Variants in MESP1 observed in about 807,000 individuals in gnomAD.
The protein encoded by MESP1 is mesoderm posterior bHLH transcription factor 1.
In MESP1, 22 loss-of-function variants were observed where a neutral mutation model predicts 15.2. The observed-to-expected ratio is 1.45, with a 90% CI of 1.04 to 2.07. The LOEUF is 2.07. Among genes scored for constraint, MESP1 ranks in the 30% most tolerant of loss-of-function variants. MESP1 has a pLI of 0.00. For synonymous variants in MESP1, 216 were observed against 192.6 expected, an observed-to-expected ratio of 1.12 and a Z score of -1.01; for missense variants, 484 against 411.9, an observed-to-expected ratio of 1.17 and a Z score of -1.51.
chr15:89,747,801 G>A (rs891147164), downstream of MESP1, among the ~76,000 whole-genome samples: 7 of 152,214 alleles, frequency 4.6e-5, no homozygotes, highest in Non-Finnish European at 8.8e-5. Context: ...ACCTTGCAGC[G>A]GGGCTGAGAA....
chr15:89,745,314 G>T (rs1202666998), downstream of MESP1, among the ~76,000 whole-genome samples: 1 of 152,196 alleles, frequency 6.6e-6, no homozygotes, highest in Non-Finnish European at 1.5e-5. This position sits in a 1 kb window ranked among gnomAD's most constrained non-coding sequence, Gnocchi z 4.8. Flanking sequence ...GAAGGAACCA[G>T]GGCCGGTCAG....
chr15:89,743,789 C>A, the MESP1 span, among the ~76,000 whole-genome samples: 37,912 of 152,146 alleles, frequency 0.25, 4,937 homozygotes, highest in South Asian at 0.34. Flanking sequence ...ATGAGCAAGA[C>A]ACCCCGCCCA....
the MESP1 span, among the ~76,000 whole-genome samples, chr15:89,741,002 C>T: frequency 6.6e-6 from 1 of 151,848 alleles, no homozygotes; most frequent in African/African-American, 2.4e-5. Context: ...TAACCGGGCA[C>T]GGTGGCAGGT....
chr15:89,735,502 C>T, the MESP1 span: 1 of 1,614,152 alleles, frequency 6.2e-7, no homozygotes, highest in Non-Finnish European at 8.5e-7. Context: ...CTGTAAAGCA[C>T]CTGGATAAAA....
At chr15:89,743,281 G>T in the MESP1 span, 1 of 1,613,974 alleles carries the variant, frequency 6.2e-7, no homozygotes, top group Non-Finnish European at 8.5e-7. Context: ...TCACAGTTGT[G>T]TGGCCCTCAG....
chr15:89,737,946 T>C, the MESP1 span: 1 of 1,411,648 alleles, frequency 7.1e-7, no homozygotes, highest in Non-Finnish European at 9.6e-7. Flanking sequence ...CCAGCCTTTA[T>C]AAGCAGAGAG....
chr15:89,738,638 A>G, the MESP1 span, among the ~76,000 whole-genome samples: 1 of 151,592 alleles, frequency 6.6e-6, no homozygotes, highest in Non-Finnish European at 1.5e-5. Flanking sequence ...AAAAAAAAAA[A>G]AAAAAAAGAA....
chr15:89,743,620 C>CCATCTGTTT, the MESP1 span: 1 of 563,524 alleles, frequency 1.8e-6, no homozygotes, highest in Non-Finnish European at 3.2e-6. Flanking sequence ...CCCAAATAAA[C>CCATCTGTTT]AGTGATATTG....
At chr15:89,738,455 C>T in the MESP1 span, among the ~76,000 whole-genome samples, 12 of 152,104 alleles carry the variant, frequency 7.9e-5, no homozygotes, top group Middle Eastern at 3.4e-3. Flanking sequence ...GGTGAAACCC[C>T]GTCTCTATTA....
chr15:89,748,360 C>T (rs1844176637), downstream of MESP1, among the ~76,000 whole-genome samples: 1 of 152,158 alleles, frequency 6.6e-6, no homozygotes, highest in South Asian at 2.1e-4. Context: ...CACTCTGTGG[C>T]CAAGCGCCAG....
chr15:89,743,810 C>T, the MESP1 span, among the ~76,000 whole-genome samples: 1 of 152,338 alleles, frequency 6.6e-6, no homozygotes, highest in East Asian at 1.9e-4. Context: ...CCTGTTTTCC[C>T]CACCCATTTC....
the MESP1 span, among the ~76,000 whole-genome samples, chr15:89,732,615 CCA>C: frequency 0.038 from 5,651 of 148,020 alleles, 277 homozygotes; most frequent in African/African-American, 0.12. Flanking sequence ...TGTTGTTTGG[CCA>C]CACACACACA....
downstream of MESP1, among the ~76,000 whole-genome samples, chr15:89,748,352 C>A (rs938276276): frequency 6.6e-6 from 1 of 152,292 alleles, no homozygotes; most frequent in Admixed American, 6.5e-5. Flanking sequence ...TTGGAGCCCA[C>A]TCTGTGGCCA....
At chr15:89,736,113 C>T in the MESP1 span, among the ~76,000 whole-genome samples, 8 of 152,188 alleles carry the variant, frequency 5.3e-5, no homozygotes, top group African/African-American at 1.9e-4. Context: ...GGGGCTCAAA[C>T]AGAGAGGTCA....
the MESP1 span, chr15:89,733,148 C>T: frequency 2.5e-6 from 4 of 1,614,044 alleles, no homozygotes; most frequent in African/African-American, 2.7e-5. Flanking sequence ...TGGTGCTGTG[C>T]ACAGACGCCT....
the MESP1 span, chr15:89,743,320 AAGG>A: frequency 6.2e-7 from 1 of 1,614,164 alleles, no homozygotes; most frequent in East Asian, 2.2e-5. Flanking sequence ...GAACCCAGAG[AAGG>A]AGGAGGAGCA....
the MESP1 span, chr15:89,737,814 C>A: frequency 1.2e-5 from 19 of 1,560,164 alleles, no homozygotes; most frequent in Non-Finnish European, 1.6e-5. Flanking sequence ...CTCCGATCTC[C>A]TCCCCACTCT....
chr15:89,746,484 T>TACACACACAGCCCCGCCTCC (rs1567139098), downstream of MESP1, among the ~76,000 whole-genome samples: 1 of 86,412 alleles, frequency 1.2e-5, no homozygotes, highest in African/African-American at 4.4e-5. Flanking sequence ...GCCCTGCCTC[T>TACACACACAGCCCCGCCTCC]ACACACACAG....
chr15:89,744,939 G>A (rs1967897835), downstream of MESP1, among the ~76,000 whole-genome samples: 1 of 152,222 alleles, frequency 6.6e-6, no homozygotes, highest in Non-Finnish European at 1.5e-5. Flanking sequence ...CCTGCATGTA[G>A]TCTCTTTCCT....
Sources: allele counts gnomAD v4.1 joint callset (sites outside exome capture counted in the v4.1 genomes callset), GRCh38; gene constraint gnomAD v4.1.1; non-coding constraint Gnocchi (gnomAD v3.1); transcripts MANE v1.5; gene names NCBI Gene and HGNC (gene_info 2026-07-23, HGNC 2026-07-21).